ASTN1: variants seen among roughly 807,000 people sequenced by gnomAD.
ASTN1 encodes astrotactin-1.
ASTN1 carries 41 observed loss-of-function variants against 140.7 expected under a neutral mutation model. The observed-to-expected ratio is 0.29, with a 90% CI of 0.23 to 0.38. The LOEUF is 0.38. Among genes scored for constraint, ASTN1 ranks in the 10% least tolerant of loss-of-function variants. The pLI is 1.00. For synonymous variants in ASTN1, 640 were observed against 652.2 expected, an observed-to-expected ratio of 0.98 and a Z score of 0.29; for missense variants, 1,479 against 1,678.8, an observed-to-expected ratio of 0.88 and a Z score of 2.08.
intron 1 of ASTN1, among the ~76,000 whole-genome samples, chr1:177,088,943 T>C (rs1377596784): frequency 1.3e-5 from 2 of 152,184 alleles, no homozygotes; most frequent in Admixed American, 1.3e-4. Flanking sequence ...GTAATATTCA[T>C]CTGATATGAA....
intron 5 of ASTN1, among the ~76,000 whole-genome samples, chr1:177,025,447 ATTTTTTTTTAAT>A (rs964313818): frequency 3.3e-5 from 5 of 149,838 alleles, no homozygotes; most frequent in African/African-American, 1.2e-4. Context: ...TACCATTGTT[ATTTTTTTTTAAT>A]TTTTTGTTTC....
At chr1:176,881,219 T>C (rs768686694) in intron 20 of ASTN1, among the ~76,000 whole-genome samples, 2 of 152,166 alleles carry the variant, frequency 1.3e-5, no homozygotes, top group African/African-American at 2.4e-5. Flanking sequence ...GCCCCCTGCA[T>C]TGGCTCCAAC....
chr1:176,974,496 C>T (rs1241239521), intron 8 of ASTN1, among the ~76,000 whole-genome samples: 2 of 151,958 alleles, frequency 1.3e-5, no homozygotes, highest in Non-Finnish European at 1.5e-5. Context: ...AGCGATTCTC[C>T]TGCCTCAGCC....
chr1:176,902,603 T>C (rs1434777633), intron 16 of ASTN1, among the ~76,000 whole-genome samples: 1 of 152,188 alleles, frequency 6.6e-6, no homozygotes, highest in African/African-American at 2.4e-5. Context: ...GAACAGTGAA[T>C]TTAATAACGA....
chr1:177,065,871 G>T (rs1452950976), intron 1 of ASTN1, among the ~76,000 whole-genome samples: 2 of 152,174 alleles, frequency 1.3e-5, no homozygotes, highest in African/African-American at 4.8e-5. Flanking sequence ...CAGGAAACCA[G>T]ACTCAATAAG....
At chr1:177,023,269 C>T in intron 7 of ASTN1, 135 bp downstream of exon 7, 1 of 1,128,676 alleles carries the variant, frequency 8.9e-7, no homozygotes, top group Non-Finnish European at 1.2e-6. Context: ...CAACCACATG[C>T]AGGCAGTCCG....
intron 8 of ASTN1, among the ~76,000 whole-genome samples, chr1:176,995,788 G>T (rs1196862711): frequency 6.6e-6 from 1 of 152,140 alleles, no homozygotes; most frequent in African/African-American, 2.4e-5. Context: ...GAAGGACTTG[G>T]GGATAAATCA....
At chr1:176,950,754 A>T (rs923620105) in intron 11 of ASTN1, among the ~76,000 whole-genome samples, 1 of 152,002 alleles carries the variant, frequency 6.6e-6, no homozygotes, top group African/African-American at 2.4e-5. Context: ...TCCAGATCTG[A>T]CTCCAATGCT....
intron 9 of ASTN1, among the ~76,000 whole-genome samples, chr1:176,961,638 T>C (rs1672669792): frequency 6.6e-6 from 1 of 152,234 alleles, no homozygotes; most frequent in African/African-American, 2.4e-5. Context: ...AGCAGCTTTC[T>C]AGTTCATGCT....
At chr1:177,039,495 TA>T (rs1252322072) in intron 2 of ASTN1, among the ~76,000 whole-genome samples, 5 of 152,190 alleles carry the variant, frequency 3.3e-5, no homozygotes, top group Non-Finnish European at 7.3e-5. Context: ...TATCCTAATC[TA>T]GAATCAAAAT....
intron 16 of ASTN1, among the ~76,000 whole-genome samples, chr1:176,900,603 T>A (rs1301661241): frequency 6.6e-6 from 1 of 152,200 alleles, no homozygotes; most frequent in Non-Finnish European, 1.5e-5. Context: ...ACTGCCTGGG[T>A]TTGATCTCTG....
chr1:177,022,735 A>T lies in ASTN1; in HGVS notation c.1438+669T>A, dbSNP rs529099269. 3.9e-5 allele frequency among the ~76,000 whole-genome samples: 6 copies of T among 152,362 alleles called. No individual in the cohort carries two copies. In the South Asian group the frequency reaches 1.2e-3, roughly 32 times the overall value. On this transcript the variant is annotated intron_variant, in intron 7 of 22. Transcript: ENST00000361833. ...GTTCATTTTAATAGTATTTATAAAA[A>T]TAAAAATTTAAAGCATCCTAAATGT...
intron 14 of ASTN1, among the ~76,000 whole-genome samples, chr1:176,939,169 T>A (rs921572336): frequency 2.0e-5 from 3 of 151,970 alleles, no homozygotes; most frequent in Non-Finnish European, 4.4e-5. Flanking sequence ...ATCATACACA[T>A]ACATGGCCTC....
At chr1:177,114,527 C>T (rs1375149560) in intron 1 of ASTN1, among the ~76,000 whole-genome samples, 2 of 152,120 alleles carry the variant, frequency 1.3e-5, no homozygotes, top group African/African-American at 2.4e-5. Flanking sequence ...GTATCCTTTA[C>T]CCCATTTTTC....
At chr1:176,934,781 TGTTGTGTGCATGTGGGA>T (rs1267401681) in intron 15 of ASTN1, among the ~76,000 whole-genome samples, 1 of 152,076 alleles carries the variant, frequency 6.6e-6, no homozygotes, top group African/African-American at 2.4e-5. Flanking sequence ...ATGAAACTTC[TGTTGTGTGCATGTGGGA>T]GTATGTGTAC....
chr1:177,032,703 A>T lies in ASTN1; in HGVS notation c.618T>A (p.Ser206=). The T allele has an allele frequency of 6.2e-7, 1 of 1,614,148 alleles. No homozygotes were observed. Among genetic ancestry groups the T allele is most frequent in the Non-Finnish European group, 8.5e-7 (1 of 1,180,046 alleles). ...EAANEIHYIP[S]VLIGGHGRES... ...CCCGTCCGTGCCCGCCGATCAGCAC[A>T]GAAGGAATGTAGTGAATCTCATTGG... Residue 206 remains serine (S), a synonymous_variant, in exon 3 of 23, where the codon TCT becomes TCA. Transcript: ENST00000361833.
intron 8 of ASTN1, among the ~76,000 whole-genome samples, chr1:176,996,315 A>T (rs999595370): frequency 7.9e-6 from 1 of 126,288 alleles, no homozygotes; most frequent in Admixed American, 7.6e-5. Context: ...ACACACAGAG[A>T]GAGAGAGAGA....
intron 12 of ASTN1, among the ~76,000 whole-genome samples, chr1:176,946,663 A>T (rs1330045887): frequency 6.6e-6 from 1 of 152,162 alleles, no homozygotes; most frequent in Admixed American, 6.5e-5. Context: ...ATGTATCCAA[A>T]CACAATATCA....
At chr1:177,118,321 A>C (rs868401908) in intron 1 of ASTN1, among the ~76,000 whole-genome samples, 1 of 152,218 alleles carries the variant, frequency 6.6e-6, no homozygotes, top group African/African-American at 2.4e-5. Flanking sequence ...TTTAAAAATG[A>C]CAGGTGTTAT....
Sources: allele counts gnomAD v4.1 joint callset (sites outside exome capture counted in the v4.1 genomes callset), GRCh38; gene constraint gnomAD v4.1.1; transcripts MANE v1.5; gene names NCBI Gene and HGNC (gene_info 2026-07-23, HGNC 2026-07-21).